Variants in TAOK3 observed in about 807,000 individuals in gnomAD.
The protein encoded by TAOK3 is serine/threonine-protein kinase TAO3.
Under a neutral mutation model 120.4 loss-of-function variants are expected in TAOK3, and 40 were observed. The ratio of observed to expected loss-of-function variants is 0.33; its 90% CI spans 0.26 to 0.43. The LOEUF (loss-of-function observed/expected upper bound fraction) is 0.43. TAOK3 is among the 20% of genes least tolerant of loss of function. The pLI is 1.00. For synonymous variants in TAOK3, 355 were observed against 387.5 expected (o/e 0.92, Z 0.99); for missense variants, 821 against 1,112.1 (o/e 0.74, Z 3.72).
At chr12:118,244,654 G>C (rs997687051) in intron 4 of TAOK3, among the ~76,000 whole-genome samples, 12 of 150,028 alleles carry the variant, frequency 8.0e-5, no homozygotes, top group African/African-American at 2.7e-4. Context: ...TCAGTCTCCT[G>C]AGTAGCTGGG....
intron 17 of TAOK3, among the ~76,000 whole-genome samples, chr12:118,169,547 G>C (rs925693811): frequency 6.6e-6 from 1 of 151,940 alleles, no homozygotes; most frequent in African/African-American, 2.4e-5. Flanking sequence ...CTGACCTCAA[G>C]TGATCCGCCT....
chr12:118,186,836 C>G (rs696345), intron 14 of TAOK3, among the ~76,000 whole-genome samples: 6,252 of 152,264 alleles, frequency 0.041, 200 homozygotes, highest in Non-Finnish European at 0.062. Flanking sequence ...ACAAATCCAA[C>G]TGTGCAGCAG....
chr12:118,217,811 GTATACATATATATATATATATATATA>G lies in TAOK3; in HGVS notation c.644-3727_644-3702del, dbSNP rs1210747808. Among the ~76,000 whole-genome samples the G allele has an allele frequency of 6.4e-4, 48 of 75,386 alleles. 4 individuals are homozygous for G. The highest frequency in any genetic ancestry group is 6.5e-3 in the Middle Eastern group (1 of 154). 49.5% of individuals were successfully genotyped at this position (75,386 alleles called of 152,430 possible). A position where few individuals can be genotyped will look rare whatever the true frequency, so the allele number is the denominator to read the frequency against. On this transcript the variant is annotated intron_variant, in intron 9 of 20. Coordinates refer to ENST00000392533, the MANE Select transcript of TAOK3 (RefSeq NM_016281.4). ...TGTATGTATGTATGTGTGTGTGTGT[GTATACATATATATATATATATATATA>G]TATATATATATATATATATATATAC...
At chr12:118,158,463 G>A (rs1181004145) in intron 19 of TAOK3, among the ~76,000 whole-genome samples, 1 of 152,106 alleles carries the variant, frequency 6.6e-6, no homozygotes, top group African/African-American at 2.4e-5. Context: ...AATTATCCTT[G>A]CAGGCATCCA....
Position 118,372,636 on chromosome 12 carries a change from C to G in TAOK3, c.-194+12G>C, listed in dbSNP as rs2045936386. On this transcript the variant is annotated intron_variant, in intron 1 of 20. Transcript: ENST00000392533. The surrounding 1 kb of genome is among the most constrained non-coding windows in gnomAD (Gnocchi z 4.6). Reference sequence around the variant, plus strand: ...GCTCCCACTGTCATGCCCCGCGCCCCGGTGCTCTCACCTCAGACCTGCTGT... The same window carrying G: ...GCTCCCACTGTCATGCCCCGCGCCCGGGTGCTCTCACCTCAGACCTGCTGT... 6.3e-6 allele frequency: 1 copy of G among 158,900 alleles called. No individual in the cohort carries two copies. The highest frequency in any genetic ancestry group is 6.5e-5 in the Admixed American group (1 of 15,362). The allele number at this position is 158,900 out of a possible 1,614,324, so 9.8% of individuals were successfully genotyped here. A position where few individuals can be genotyped will look rare whatever the true frequency, so the allele number is the denominator to read the frequency against.
chr12:118,325,673 CTTTA>C (rs962507942), intron 1 of TAOK3, among the ~76,000 whole-genome samples: 13 of 151,756 alleles, frequency 8.6e-5, no homozygotes, highest in South Asian at 4.2e-4. Flanking sequence ...TGGGTTGTCT[CTTTA>C]TTTATTTATT....
intron 1 of TAOK3, among the ~76,000 whole-genome samples, chr12:118,350,632 G>A (rs2045098119): frequency 6.6e-6 from 1 of 152,038 alleles, no homozygotes; most frequent in Non-Finnish European, 1.5e-5. Context: ...GCTGAGGCAG[G>A]TGGATCACCT....
chr12:118,271,178 C>G (rs1471974802), intron 1 of TAOK3, among the ~76,000 whole-genome samples: 1 of 152,142 alleles, frequency 6.6e-6, no homozygotes, highest in East Asian at 1.9e-4. Flanking sequence ...CTATCATACA[C>G]TCTGCCCATT....
chr12:118,214,273 C>T, intron 9 of TAOK3, 163 bp from the exon 10 acceptor site: 1 of 552,018 alleles, frequency 1.8e-6, no homozygotes, highest in Non-Finnish European at 3.1e-6. Context: ...CCCAAGATAG[C>T]CATTCAGAAG....
At chr12:118,344,280 A>G (rs2044756959) in intron 1 of TAOK3, among the ~76,000 whole-genome samples, 1 of 151,212 alleles carries the variant, frequency 6.6e-6, no homozygotes, top group African/African-American at 2.4e-5. Context: ...ACAAGACAAA[A>G]GCATGTGTCA....
chr12:118,221,387 C>G (rs905260139), intron 9 of TAOK3, among the ~76,000 whole-genome samples: 2 of 152,032 alleles, frequency 1.3e-5, no homozygotes, highest in Non-Finnish European at 2.9e-5. Context: ...CTGTGCCCAG[C>G]TAATTTTTGT....
chr12:118,253,946 G>A (rs573923847), intron 3 of TAOK3, among the ~76,000 whole-genome samples: 1 of 152,106 alleles, frequency 6.6e-6, no homozygotes, highest in East Asian at 1.9e-4. Flanking sequence ...CTATGTGGAA[G>A]GCTGACGCAG....
At position 118,201,459 on chromosome 12, in the gene TAOK3, T is replaced by C. The variant is rs776273615; in HGVS notation, c.824A>G (p.Asp275Gly). Residue 275 changes from aspartate (D) to glycine (G), a missense_variant, in exon 12 of 21, where the codon GAC becomes GGC. Asp to Gly is a moderately conservative substitution (Grantham distance 94). This residue lies in a region of TAOK3 where 467 missense variants were observed against 540.0 expected (regional missense o/e 0.86). Coordinates refer to ENST00000392533, the MANE Select transcript of TAOK3 (RefSeq NM_016281.4). ...RPTSAELLRH[D>G]FVRRDRPLRV... is the part of the protein sequence containing the mutation. ...TAGTGGCCGGTCTCGTCGAACAAAG[T>C]CATGCTGATTGAGGGAGGAGGAAAA... 1 of 1,607,944 alleles carries C rather than the reference T, an allele frequency of 6.2e-7. No homozygotes were observed. The highest frequency in any genetic ancestry group is 1.3e-5 in the African/African-American group (1 of 74,828).
intron 19 of TAOK3, among the ~76,000 whole-genome samples, chr12:118,153,710 C>T (rs940203467): frequency 6.6e-6 from 1 of 152,194 alleles, no homozygotes; most frequent in Non-Finnish European, 1.5e-5. Context: ...TTACCCTGAG[C>T]TTATCTGTGT....
intron 9 of TAOK3, among the ~76,000 whole-genome samples, chr12:118,218,799 C>G (rs1216679103): frequency 1.3e-5 from 2 of 151,864 alleles, no homozygotes; most frequent in Admixed American, 6.6e-5. Flanking sequence ...ACTAAAAATA[C>G]AAAATTAGCC....
At chr12:118,151,187 G>T in intron 20 of TAOK3, 29 bp from the exon 21 acceptor site, 1 of 1,605,860 alleles carries the variant, frequency 6.2e-7, no homozygotes. Flanking sequence ...AGTTCTTAAT[G>T]GAAAGCATCT....
At chr12:118,257,430 AT>A (rs1267806978) in intron 2 of TAOK3, among the ~76,000 whole-genome samples, 1 of 152,168 alleles carries the variant, frequency 6.6e-6, no homozygotes, top group Non-Finnish European at 1.5e-5. Flanking sequence ...TTTGATGTAG[AT>A]TCTTTTTTAT....
intron 1 of TAOK3, among the ~76,000 whole-genome samples, chr12:118,313,090 A>G (rs1472827158): frequency 1.3e-5 from 2 of 152,162 alleles, no homozygotes; most frequent in Non-Finnish European, 2.9e-5. Flanking sequence ...AGCAAACAAA[A>G]TGAAATCTTT....
At chr12:118,217,776 T>G (rs1365047034) in intron 9 of TAOK3, among the ~76,000 whole-genome samples, 1 of 142,966 alleles carries the variant, frequency 7.0e-6, no homozygotes, top group African/African-American at 2.5e-5. Flanking sequence ...ATTTTATGTA[T>G]ATATGTATAT....
Sources: allele counts gnomAD v4.1 joint callset (sites outside exome capture counted in the v4.1 genomes callset), GRCh38; gene constraint gnomAD v4.1.1; regional missense constraint gnomAD v4.1.1; non-coding constraint Gnocchi (gnomAD v3.1); transcripts MANE v1.5; gene names NCBI Gene and HGNC (gene_info 2026-07-23, HGNC 2026-07-21).